Variants in OXNAD1 observed in about 807,000 individuals in gnomAD.
The protein encoded by OXNAD1 is oxidoreductase NAD binding domain containing 1.
Under a neutral mutation model 32.9 loss-of-function variants are expected in OXNAD1, and 34 were observed. The observed-to-expected ratio is 1.03, with a 90% CI of 0.79 to 1.38. The LOEUF (loss-of-function observed/expected upper bound fraction) is 1.38. OXNAD1 is among the 40% of genes most tolerant of loss of function. The pLI is 0.00. For synonymous variants in OXNAD1, 134 were observed against 135.2 expected (o/e 0.99, Z 0.06); for missense variants, 407 against 379.4 (o/e 1.07, Z -0.60).
intron 5 of OXNAD1, among the ~76,000 whole-genome samples, chr3:16,292,870 C>T (rs1273535929): frequency 6.6e-6 from 1 of 152,162 alleles, no homozygotes; most frequent in African/African-American, 2.4e-5. Flanking sequence ...CGTTCTTTTC[C>T]ATTGATCTAC....
chr3:16,312,933 A>T lies in OXNAD1; in HGVS notation c.*30+9341A>T, dbSNP rs1169543682. Among the ~76,000 whole-genome samples, 4 of 152,312 alleles carry T rather than the reference A, an allele frequency of 2.6e-5. No individual in the cohort carries two copies. The highest frequency in any genetic ancestry group is 2.0e-4 in the Admixed American group (3 of 15,292). ...TGATAAATAATTTAAGACTTTATAA[A>T]TATTATTACAGTATTTCTGTTAAGA... On this transcript the variant is annotated intron_variant, in intron 9 of 9. Transcript: ENST00000435829. This position sits in a 1 kb window ranked among gnomAD's most constrained non-coding sequence, Gnocchi z 4.7.
At position 16,284,473 on chromosome 3, in the gene OXNAD1, A is replaced by T. The variant is rs1311786019; in HGVS notation, c.184-1869A>T. ...TATTGTTCCTAGAGGACAAACCTAT[A>T]TGCATGTTACTGTACTGAATATTTC... On this transcript the variant is annotated intron_variant, in intron 4 of 8. Coordinates refer to ENST00000285083, the MANE Select transcript of OXNAD1 (RefSeq NM_138381.5). This position sits in a 1 kb window ranked among gnomAD's most constrained non-coding sequence, Gnocchi z 4.1. Among the ~76,000 whole-genome samples, 1 of 152,240 alleles carries T rather than the reference A, an allele frequency of 6.6e-6. No homozygotes were observed. Among genetic ancestry groups the T allele is most frequent in the Non-Finnish European group, 1.5e-5 (1 of 68,042 alleles).
At chr3:16,286,307 A>C (rs775289510) in intron 4 of OXNAD1, 35 bp from the exon 5 acceptor site, 11 of 1,529,048 alleles carry the variant, frequency 7.2e-6, no homozygotes, top group Admixed American at 1.7e-5. Context: ...CTGTGTACGC[A>C]CTAACCTCAG....
In OXNAD1 at chr3:16,295,011, CTG is replaced by C. The variant is rs1440805055; in HGVS notation, c.432+16_432+17del. 2.0e-5 allele frequency: 32 copies of C among 1,598,146 alleles called. No homozygotes were observed. The highest frequency in any genetic ancestry group is 2.4e-5 in the Non-Finnish European group (28 of 1,173,058). ...GTTCACAATACGGTAAGCACACTGC[CTG>C]TTTAAACGCGATGATCTGGGTATCT... is the stretch of plus-strand genomic sequence containing the variant. On this transcript the variant is annotated intron_variant, in intron 6 of 8. Coordinates refer to ENST00000285083, the MANE Select transcript of OXNAD1 (RefSeq NM_138381.5).
In OXNAD1 at chr3:16,303,263, T is replaced by C; in HGVS notation, c.785-145T>C. The C allele has an allele frequency of 2.2e-6, 2 of 905,586 alleles. No homozygotes were observed. Among genetic ancestry groups the C allele is most frequent in the Non-Finnish European group, 3.4e-6 (2 of 594,694 alleles). 56.1% of individuals were successfully genotyped at this position (905,586 alleles called of 1,614,324 possible). On this transcript the variant is annotated intron_variant, in intron 8 of 8. Transcript: ENST00000285083. This position sits in a 1 kb window ranked among gnomAD's most constrained non-coding sequence, Gnocchi z 4.8. ...GCTTGGGTCTGGGCCCAGATGCCAA[T>C]AGGAGCCATACTGTGAATGGCTTAA...
rs890869447 is a variant in OXNAD1, at chr3:16,334,647, C to G, written c.*31-2465C>G. Among the ~76,000 whole-genome samples the G allele has an allele frequency of 2.0e-5, 3 of 152,052 alleles. No homozygotes were observed. Among genetic ancestry groups the G allele is most frequent in the African/African-American group, 7.2e-5 (3 of 41,404 alleles). On this transcript the variant is annotated intron_variant, in intron 9 of 9. Transcript: ENST00000435829. This position sits in a 1 kb window ranked among gnomAD's most constrained non-coding sequence, Gnocchi z 4.3. ...AGGGAATGAATTCTATTCTAGACACCCTGAGTTTGAGGAACCTATGGAAAT... is the reference window on the plus strand; with the variant it reads ...AGGGAATGAATTCTATTCTAGACACGCTGAGTTTGAGGAACCTATGGAAAT...
chr3:16,326,974 A>G (rs2069767010), intron 9 of OXNAD1: 1 of 878,824 alleles, frequency 1.1e-6, no homozygotes. Flanking sequence ...CAAAACAGAA[A>G]AGAAGTGGCG....
In OXNAD1 at chr3:16,335,051, A is replaced by G. The variant is rs1188408925; in HGVS notation, c.*31-2061A>G. 6.6e-6 allele frequency among the ~76,000 whole-genome samples: 1 copy of G among 152,224 alleles called. No individual in the cohort carries two copies. Among genetic ancestry groups the G allele is most frequent in the African/African-American group, 2.4e-5 (1 of 41,460 alleles). On this transcript the variant is annotated intron_variant, in intron 9 of 9. Transcript: ENST00000435829. This position sits in a 1 kb window ranked among gnomAD's most constrained non-coding sequence, Gnocchi z 4.7. ...CTCCACAAAGAATGTGGTCCTGTCA[A>G]CACCTTGGTTTTAGCCCCTTAATAC...
rs1482927800 is a variant in OXNAD1 at position 16,345,279 on chromosome 3, T to TGTGTGTGC, written c.*31-3890_*31-3889insCGTGTGTG. The TGTGTGTGC allele has an allele frequency of 6.6e-6, 1 of 151,714 alleles. No individual in the cohort carries two copies. The highest frequency in any genetic ancestry group is 2.4e-5 in the African/African-American group (1 of 41,122). 9.4% of individuals were successfully genotyped at this position (151,714 alleles called of 1,614,324 possible). A position where few individuals can be genotyped will look rare whatever the true frequency, so the allele number is the denominator to read the frequency against. ...AAGTAGGTGGTTGTGTGTGTGTGTG[T>TGTGTGTGC]GTGTGTGTGTGTGTGTGTGTGTTTA... On this transcript the variant is annotated intron_variant, in intron 9 of 9. Coordinates refer to the OXNAD1 transcript ENST00000606098. The surrounding 1 kb of genome is among the most constrained non-coding windows in gnomAD (Gnocchi z 5.2).
rs777875703 is a variant in OXNAD1, at chr3:16,335,188, G to A, written c.*31-1924G>A. ...ACAGGAAATTAATCCACAGCTCAGGGCCAGGAAAAGGCTGGGATGGGGATA... is the reference window on the plus strand; with the variant it reads ...ACAGGAAATTAATCCACAGCTCAGGACCAGGAAAAGGCTGGGATGGGGATA... On this transcript the variant is annotated intron_variant, in intron 9 of 9. Transcript: ENST00000435829. This position sits in a 1 kb window ranked among gnomAD's most constrained non-coding sequence, Gnocchi z 4.7. Among the ~76,000 whole-genome samples, 1 of 152,210 alleles carries A rather than the reference G, an allele frequency of 6.6e-6. No homozygotes were observed. The highest frequency in any genetic ancestry group is 1.5e-5 in the Non-Finnish European group (1 of 68,048).
In OXNAD1 at chr3:16,271,006, C is replaced by T. The variant is rs2064889918; in HGVS notation, c.54C>T (p.Ala18=). Residue 18 remains alanine, a synonymous_variant, in exon 3 of 9, where the codon GCC becomes GCT. Coordinates refer to ENST00000285083, the MANE Select transcript of OXNAD1 (RefSeq NM_138381.5). The surrounding 1 kb of genome is among the most constrained non-coding windows in gnomAD (Gnocchi z 4.6). The stretch of plus-strand genomic sequence containing the variant: ...GGTTGTTGCGGTGCTCTGTTGGAGC[C>T]ATCCGTATTGAGGCTGCGTCACTGA... ...IPGLLRCSVG[A]IRIEAASLRL... The T allele has an allele frequency of 1.9e-6, 3 of 1,614,054 alleles. No individual in the cohort carries two copies. Among genetic ancestry groups the T allele is most frequent in the Non-Finnish European group, 2.5e-6 (3 of 1,180,026 alleles).
rs1275659971 is a variant in OXNAD1, at chr3:16,298,307, A to T, written c.432+3310A>T. On this transcript the variant is annotated intron_variant, in intron 6 of 8. Coordinates refer to ENST00000285083, the MANE Select transcript of OXNAD1 (RefSeq NM_138381.5). The surrounding 1 kb of genome is among the most constrained non-coding windows in gnomAD (Gnocchi z 5.1). ...GAGTTGAAATAAGCATAGCCATCCCAGTTCCTAGTGCCATGAACATCTCCC... is the reference window on the plus strand; with the variant it reads ...GAGTTGAAATAAGCATAGCCATCCCTGTTCCTAGTGCCATGAACATCTCCC... Among the ~76,000 whole-genome samples the T allele has an allele frequency of 6.6e-6, 1 of 152,080 alleles. No homozygotes were observed.
rs2066335463 is a variant in OXNAD1 at position 16,290,177 on chromosome 3, T to C, written c.290+3729T>C. Among the ~76,000 whole-genome samples the C allele has an allele frequency of 6.6e-6, 1 of 152,212 alleles. No individual in the cohort carries two copies. On this transcript the variant is annotated intron_variant, in intron 5 of 8. Coordinates refer to ENST00000285083, the MANE Select transcript of OXNAD1 (RefSeq NM_138381.5). This position sits in a 1 kb window ranked among gnomAD's most constrained non-coding sequence, Gnocchi z 4.2. ...CCACTGCTTCACCGCGCACCTAGGCTCCTTCTGCATACACTCACTCATTGG... is the reference window on the plus strand; with the variant it reads ...CCACTGCTTCACCGCGCACCTAGGCCCCTTCTGCATACACTCACTCATTGG...
At position 16,319,775 on chromosome 3, in the gene OXNAD1, G is replaced by T. The variant is rs190497636; in HGVS notation, c.*30+16183G>T. On this transcript the variant is annotated intron_variant, in intron 9 of 9. Coordinates refer to the OXNAD1 transcript ENST00000435829. ...GTTTCAGATCCCAACAATTCAAAAA[G>T]GAGACGTCTCAGAAAGCAAGAGGAG... Among the ~76,000 whole-genome samples, 84 of 152,294 alleles carry T rather than the reference G, an allele frequency of 5.5e-4. No homozygotes were observed. The East Asian group carries it at 8.5e-3, about 15-fold the overall frequency.
At chr3:16,291,806 C>G (rs1373151099) in intron 5 of OXNAD1, among the ~76,000 whole-genome samples, 2 of 152,200 alleles carry the variant, frequency 1.3e-5, no homozygotes, top group East Asian at 3.8e-4. Flanking sequence ...TTTTCAGGCA[C>G]TATTAAATTG....
At chr3:16,285,690 C>G (rs2066028062) in intron 4 of OXNAD1, among the ~76,000 whole-genome samples, 1 of 152,066 alleles carries the variant, frequency 6.6e-6, no homozygotes, top group South Asian at 2.1e-4. Flanking sequence ...GGGAAGGGCT[C>G]TTTTTATTGT....
At chr3:16,337,540 G>A (rs1198438494), downstream of OXNAD1, among the ~76,000 whole-genome samples, 6 of 151,880 alleles carry the variant, frequency 4.0e-5, no homozygotes, top group Non-Finnish European at 7.4e-5. This position sits in a 1 kb window ranked among gnomAD's most constrained non-coding sequence, Gnocchi z 5.0. Context: ...TCAGGAGATC[G>A]AGACCACCCT....
Position 16,297,697 on chromosome 3 carries a change from C to T in OXNAD1, c.432+2700C>T, listed in dbSNP as rs1026064030. On this transcript the variant is annotated intron_variant, in intron 6 of 8. Transcript: ENST00000285083. The surrounding 1 kb of genome is among the most constrained non-coding windows in gnomAD (Gnocchi z 4.3). ...TGCATGCAGCAATGTGGGTGAATCT[C>T]AGAGGCATTCTGTTGAGTGCAAGGA... Among the ~76,000 whole-genome samples, 2 of 152,118 alleles carry T rather than the reference C, an allele frequency of 1.3e-5. No homozygotes were observed. Among genetic ancestry groups the T allele is most frequent in the African/African-American group, 4.8e-5 (2 of 41,422 alleles).
At chr3:16,274,641 A>G (rs890264147) in intron 4 of OXNAD1, among the ~76,000 whole-genome samples, 3 of 152,242 alleles carry the variant, frequency 2.0e-5, no homozygotes, top group Non-Finnish European at 4.4e-5. Context: ...AGACTATTAG[A>G]GATCTAGTAA....
Sources: allele counts gnomAD v4.1 joint callset (sites outside exome capture counted in the v4.1 genomes callset), GRCh38; gene constraint gnomAD v4.1.1; non-coding constraint Gnocchi (gnomAD v3.1); transcripts MANE v1.5; gene names NCBI Gene and HGNC (gene_info 2026-07-23, HGNC 2026-07-21).